Variants in CTNND2 observed in about 807,000 individuals in gnomAD.
CTNND2 encodes catenin delta 2.
A neutral mutation model predicts 144.4 loss-of-function variants in CTNND2; 22 were observed. That is an observed-to-expected ratio of 0.15 (90% CI 0.11 to 0.22). CTNND2 has a LOEUF of 0.22. Ranked by LOEUF, CTNND2 falls within the 10% of genes least tolerant of loss-of-function variation. The pLI, the probability that CTNND2 is intolerant of heterozygous loss-of-function variation, is 1.00. For missense variants in CTNND2, 1,353 were observed against 1,618.8 expected, an observed-to-expected ratio of 0.84 and a Z score of 2.82; for synonymous variants, 751 against 695.6, an observed-to-expected ratio of 1.08 and a Z score of -1.25.
intron 2 of CTNND2, among the ~76,000 whole-genome samples, chr5:11,596,701 G>C (rs770280193): frequency 2.0e-5 from 3 of 152,068 alleles, no homozygotes; most frequent in Non-Finnish European, 4.4e-5. Context: ...CCTTTAAATA[G>C]TTAACTTCCT....
At chr5:11,489,268 G>A (rs537818299) in intron 3 of CTNND2, among the ~76,000 whole-genome samples, 1 of 152,142 alleles carries the variant, frequency 6.6e-6, no homozygotes, top group East Asian at 1.9e-4. Context: ...ATCTCTTTGG[G>A]TTTTCATTTG....
chr5:11,474,212 T>G (rs192826265), intron 3 of CTNND2, among the ~76,000 whole-genome samples: 31 of 152,352 alleles, frequency 2.0e-4, no homozygotes, highest in Non-Finnish European at 2.8e-4. Flanking sequence ...AAACTTCAAT[T>G]AATTATGTAG....
At chr5:11,153,192 G>T (rs979509698) in intron 12 of CTNND2, among the ~76,000 whole-genome samples, 3 of 152,012 alleles carry the variant, frequency 2.0e-5, no homozygotes, top group Non-Finnish European at 4.4e-5. Flanking sequence ...AACCCAGGAG[G>T]CAGAGGTTGC....
At chr5:11,182,873 A>T (rs898263930) in intron 11 of CTNND2, among the ~76,000 whole-genome samples, 19 of 152,214 alleles carry the variant, frequency 1.2e-4, no homozygotes, top group Admixed American at 6.5e-4. Flanking sequence ...AGCTTTAGGA[A>T]AGCTACCTAG....
chr5:11,720,455 C>T (rs1055590274), intron 2 of CTNND2, among the ~76,000 whole-genome samples: 37 of 152,178 alleles, frequency 2.4e-4, no homozygotes, highest in African/African-American at 8.7e-4. Context: ...AAGCTCTTCT[C>T]AGTTGTACAA....
chr5:11,890,264 G>A (rs1298400479), intron 1 of CTNND2, among the ~76,000 whole-genome samples: 2 of 152,060 alleles, frequency 1.3e-5, no homozygotes, highest in African/African-American at 4.8e-5. Context: ...CAAAAGTATA[G>A]TCTCATATAT....
chr5:11,504,551 G>A (rs1770832669), intron 3 of CTNND2, among the ~76,000 whole-genome samples: 1 of 152,136 alleles, frequency 6.6e-6, no homozygotes, highest in African/African-American at 2.4e-5. Flanking sequence ...ACCCTGAGCT[G>A]GCATCCACGA....
chr5:11,642,041 T>C (rs1295194820), intron 2 of CTNND2, among the ~76,000 whole-genome samples: 3 of 152,174 alleles, frequency 2.0e-5, no homozygotes, highest in Admixed American at 2.0e-4. Flanking sequence ...GAATATTACA[T>C]TGCATGAGCT....
rs7722010 is a variant in CTNND2, at chr5:11,151,341, A to G, written c.2159+8235T>C. 5.8e-3 allele frequency among the ~76,000 whole-genome samples: 889 copies of G among 152,306 alleles called. 12 individuals carry two copies. Among genetic ancestry groups the G allele is most frequent in the African/African-American group, 0.021 (854 of 41,562 alleles). ...TAATTTGGGAGGCAGCAGGAAGAAA[A>G]ATTACATTTTTAATGTCAAGAAGTT... On this transcript the variant is annotated intron_variant, in intron 12 of 21. Coordinates refer to ENST00000304623, the MANE Select transcript of CTNND2 (RefSeq NM_001332.4).
At chr5:11,369,831 G>T (rs937004346) in intron 7 of CTNND2, among the ~76,000 whole-genome samples, 6 of 152,204 alleles carry the variant, frequency 3.9e-5, no homozygotes, top group Non-Finnish European at 8.8e-5. Context: ...GCAGAGAGCT[G>T]CAGACAGTAA....
At chr5:11,856,809 A>T (rs1357082499) in intron 1 of CTNND2, among the ~76,000 whole-genome samples, 1 of 152,192 alleles carries the variant, frequency 6.6e-6, no homozygotes, top group East Asian at 1.9e-4. Flanking sequence ...GACCAGAATA[A>T]ATTTGAACCT....
chr5:11,817,980 T>TG (rs1296175786), intron 1 of CTNND2, among the ~76,000 whole-genome samples: 2 of 93,802 alleles, frequency 2.1e-5, no homozygotes, highest in South Asian at 4.4e-4. Context: ...TATTATGAGG[T>TG]GTTTTTTTTT....
intron 9 of CTNND2, among the ~76,000 whole-genome samples, chr5:11,238,974 C>T (rs1741935819): frequency 6.6e-6 from 1 of 152,190 alleles, no homozygotes; most frequent in Admixed American, 6.5e-5. Flanking sequence ...GCTCAGATAG[C>T]ACAGTCCTTC....
rs1735960015 is a variant in CTNND2 at position 10,972,678 on chromosome 5, A to AT, written c.*774dup. On this transcript the variant is annotated 3_prime_UTR_variant, in exon 22 of 22. Transcript: ENST00000304623. ...GTTGACAAGGAGTGTGGAATGATGT[A>AT]TGTTAATTGTCAGAAACTGCTGAAT... 6.6e-6 allele frequency: 1 copy of AT among 152,652 alleles called. No individual in the cohort carries two copies. Among genetic ancestry groups the AT allele is most frequent in the Non-Finnish European group, 1.5e-5 (1 of 68,030 alleles). 9.5% of individuals were successfully genotyped at this position (152,652 alleles called of 1,614,324 possible). A position where few individuals can be genotyped will look rare whatever the true frequency, so the allele number is the denominator to read the frequency against.
intron 9 of CTNND2, among the ~76,000 whole-genome samples, chr5:11,237,026 T>C (rs982063120): frequency 2.6e-5 from 4 of 151,378 alleles, no homozygotes; most frequent in Admixed American, 6.6e-5. Context: ...TCTTTTCTTT[T>C]TTTTTTTTTT....
intron 14 of CTNND2, among the ~76,000 whole-genome samples, chr5:11,107,778 G>A (rs2149680134): frequency 6.6e-6 from 1 of 152,328 alleles, no homozygotes; most frequent in Non-Finnish European, 1.5e-5. Flanking sequence ...TCAAAACACA[G>A]GGAGGGAAGA....
At chr5:11,775,477 C>A (rs1790202855) in intron 1 of CTNND2, among the ~76,000 whole-genome samples, 1 of 152,190 alleles carries the variant, frequency 6.6e-6, no homozygotes, top group Non-Finnish European at 1.5e-5. Flanking sequence ...AGCATGTCCC[C>A]CCATTGCACT....
At chr5:11,313,036 C>T (rs1228841504) in intron 9 of CTNND2, among the ~76,000 whole-genome samples, 1 of 152,208 alleles carries the variant, frequency 6.6e-6, no homozygotes, top group East Asian at 1.9e-4. Context: ...CATTACTCCT[C>T]TTTGGTGCAG....
chr5:11,413,862 T>C (rs1337130697), intron 3 of CTNND2, among the ~76,000 whole-genome samples: 2 of 152,226 alleles, frequency 1.3e-5, no homozygotes, highest in Non-Finnish European at 2.9e-5. Context: ...CATGGATTTA[T>C]ACACAGATAG....
Sources: gnomAD v4.1 joint callset for allele counts (sites outside exome capture counted in the v4.1 genomes callset) on GRCh38, gnomAD v4.1.1 for gene constraint, MANE v1.5 for transcripts, NCBI Gene and HGNC (gene_info 2026-07-23, HGNC 2026-07-21) for gene names.